RALA: variants seen among roughly 807,000 people sequenced by gnomAD.
RALA encodes the protein ras-related protein Ral-A.
Under a neutral mutation model 24.0 loss-of-function variants are expected in RALA, and 5 were observed. The observed-to-expected ratio is 0.21, with a 90% CI of 0.11 to 0.44. The LOEUF (loss-of-function observed/expected upper bound fraction) is 0.44. Ranked by LOEUF, RALA falls within the 20% of genes least tolerant of loss-of-function variation. RALA has a pLI of 0.99. For synonymous variants in RALA, 77 were observed against 83.8 expected (o/e 0.92, Z 0.44); for missense variants, 95 against 241.2 (o/e 0.39, Z 4.01).
At chr7:39,682,857 G>A (rs1196949563) in intron 1 of RALA, among the ~76,000 whole-genome samples, 1 of 152,092 alleles carries the variant, frequency 6.6e-6, no homozygotes, top group Non-Finnish European at 1.5e-5. Flanking sequence ...TGTTGGCCAG[G>A]CTGGTCTCCT....
At chr7:39,696,581 A>G (rs1792925786) in intron 3 of RALA, 104 bp from the exon 4 acceptor site, 2 of 847,548 alleles carry the variant, frequency 2.4e-6, no homozygotes, top group Non-Finnish European at 3.6e-6. Context: ...TGTGTACCAC[A>G]GTAGTAGATG....
In RALA at chr7:39,675,751, A is replaced by C. The variant is rs536298091; in HGVS notation, c.-37-10880A>C. 3.2e-4 allele frequency among the ~76,000 whole-genome samples: 44 copies of C among 136,508 alleles called. No individual in the cohort carries two copies. In the East Asian group the frequency reaches 5.4e-3, roughly 17 times the overall value. The allele number at this position is 136,508 out of a possible 152,430, so 89.6% of individuals were successfully genotyped here. On this transcript the variant is annotated intron_variant, in intron 1 of 4. Transcript: ENST00000005257. ...ATGTCTGGGAAATTAAAAAAAAAAA[A>C]AAAAAAAAAACTGTATATCTCCTTT... is the stretch of plus-strand genomic sequence containing the variant.
intron 1 of RALA, among the ~76,000 whole-genome samples, chr7:39,640,946 T>C (rs532556029): frequency 6.6e-6 from 1 of 152,330 alleles, no homozygotes; most frequent in Non-Finnish European, 1.5e-5. Context: ...ATTCTCTTCA[T>C]GTGGTCAGGA....
In RALA at chr7:39,671,921, G is replaced by T. The variant is rs533947472; in HGVS notation, c.-37-14710G>T. ...GCTTGATGGCGTATTTAAAATGGAG[G>T]GTTTAACTATTTAGGATGTCAGTTA... On this transcript the variant is annotated intron_variant, in intron 1 of 4. Coordinates refer to ENST00000005257, the MANE Select transcript of RALA (RefSeq NM_005402.4). 7.3e-4 allele frequency among the ~76,000 whole-genome samples: 111 copies of T among 152,110 alleles called. 2 individuals carry two copies. In the South Asian group the frequency reaches 0.023, roughly 31 times the overall value.
At chr7:39,688,598 T>C (rs77683637) in intron 2 of RALA, among the ~76,000 whole-genome samples, 2 of 148,796 alleles carry the variant, frequency 1.3e-5, no homozygotes, top group African/African-American at 5.0e-5. Flanking sequence ...TTTTTTTTTT[T>C]AAAGATAACG....
intron 1 of RALA, among the ~76,000 whole-genome samples, chr7:39,635,467 A>T (rs750568395): frequency 6.6e-6 from 1 of 152,168 alleles, no homozygotes; most frequent in Non-Finnish European, 1.5e-5. Flanking sequence ...CATTACTTTC[A>T]AAAAGAAAGC....
intron 1 of RALA, among the ~76,000 whole-genome samples, chr7:39,651,559 A>AT (rs1452647582): frequency 6.6e-6 from 1 of 151,226 alleles, no homozygotes; most frequent in Admixed American, 6.6e-5. Context: ...TATTTTAAAT[A>AT]TTTTTCCTTT....
At chr7:39,671,705 C>G (rs1792391497) in intron 1 of RALA, among the ~76,000 whole-genome samples, 1 of 152,040 alleles carries the variant, frequency 6.6e-6, no homozygotes, top group Non-Finnish European at 1.5e-5. Flanking sequence ...CAAGGCAAAA[C>G]GTTAAACCAT....
intron 1 of RALA, among the ~76,000 whole-genome samples, chr7:39,630,028 T>C (rs1791564520): frequency 6.6e-6 from 1 of 152,054 alleles, no homozygotes; most frequent in African/African-American, 2.4e-5. Context: ...CATGCCGAGC[T>C]TTCTTTTACT....
intron 1 of RALA, among the ~76,000 whole-genome samples, chr7:39,636,114 G>A (rs190856852): frequency 2.0e-5 from 3 of 152,308 alleles, no homozygotes; most frequent in African/African-American, 7.2e-5. Flanking sequence ...TCAGTTGATG[G>A]ACATGTGGGT....
At chr7:39,644,597 CTT>C (rs1163374862) in intron 1 of RALA, among the ~76,000 whole-genome samples, 1 of 152,120 alleles carries the variant, frequency 6.6e-6, no homozygotes, top group Non-Finnish European at 1.5e-5. Flanking sequence ...TACTGAAATA[CTT>C]TGTTTCATCC....
At chr7:39,697,950 TG>T (rs1316971902) in intron 4 of RALA, among the ~76,000 whole-genome samples, 1 of 117,290 alleles carries the variant, frequency 8.5e-6, no homozygotes, top group East Asian at 2.0e-4. Context: ...CTAGGGCAAG[TG>T]TGTGTGTGTG....
rs1019676133 is a variant in RALA at position 39,708,059 on chromosome 7, T to A, written c.*1814T>A. 9.8e-5 allele frequency: 15 copies of A among 152,686 alleles called. No homozygotes were observed. Among genetic ancestry groups the A allele is most frequent in the Non-Finnish European group, 1.9e-4 (13 of 68,052 alleles). The allele number at this position is 152,686 out of a possible 1,614,324, so 9.5% of individuals were successfully genotyped here. On this transcript the variant is annotated 3_prime_UTR_variant, in exon 5 of 5. Coordinates refer to ENST00000005257, the MANE Select transcript of RALA (RefSeq NM_005402.4). Reference sequence around the variant, plus strand: ...ATCACGTGTCTTAGGCTGATGCCACTACCCGATTTGTTTATTTGCAATTTG... The same window carrying A: ...ATCACGTGTCTTAGGCTGATGCCACAACCCGATTTGTTTATTTGCAATTTG...
chr7:39,677,488 T>C (rs1412368328), intron 1 of RALA, among the ~76,000 whole-genome samples: 3 of 105,138 alleles, frequency 2.9e-5, no homozygotes, highest in Non-Finnish European at 1.9e-5. Context: ...AAGTCTTTGC[T>C]ATTGTGAATA....
intron 4 of RALA, chr7:39,701,077 C>T (rs545756759): frequency 3.3e-5 from 5 of 152,340 alleles, no homozygotes; most frequent in African/African-American, 7.2e-5. Flanking sequence ...TTCTGATGCT[C>T]ACTTTTTAGA....
intron 1 of RALA, among the ~76,000 whole-genome samples, chr7:39,648,650 C>T (rs1791969421): frequency 6.6e-6 from 1 of 152,084 alleles, no homozygotes; most frequent in Non-Finnish European, 1.5e-5. Flanking sequence ...TCTCTTAGAC[C>T]TCATAAGGCT....
At chr7:39,652,576 C>G (rs1792037323) in intron 1 of RALA, among the ~76,000 whole-genome samples, 1 of 152,018 alleles carries the variant, frequency 6.6e-6, no homozygotes, top group African/African-American at 2.4e-5. Context: ...GTAACATAAA[C>G]CTGTTGGAGT....
At chr7:39,682,119 A>G (rs1237559577) in intron 1 of RALA, among the ~76,000 whole-genome samples, 1 of 152,336 alleles carries the variant, frequency 6.6e-6, no homozygotes, top group South Asian at 2.1e-4. Flanking sequence ...CAGATTCCTC[A>G]TCTGTTAAAT....
intron 1 of RALA, among the ~76,000 whole-genome samples, chr7:39,655,591 AT>A (rs879906321): frequency 9.5e-4 from 145 of 152,094 alleles, no homozygotes; most frequent in Admixed American, 1.8e-3. Flanking sequence ...CCATTTCTTA[AT>A]TTTTTTTCAT....
Sources: gnomAD v4.1 joint callset for allele counts (sites outside exome capture counted in the v4.1 genomes callset) on GRCh38, gnomAD v4.1.1 for gene constraint, MANE v1.5 for transcripts, NCBI Gene and HGNC (gene_info 2026-07-23, HGNC 2026-07-21) for gene names.